HCK: variants seen among roughly 807,000 people sequenced by gnomAD.
HCK encodes tyrosine-protein kinase HCK.
HCK carries 40 observed loss-of-function variants against 70.4 expected under a neutral mutation model. The ratio of observed to expected loss-of-function variants is 0.57; its 90% CI spans 0.44 to 0.74. The LOEUF is 0.74. Ranked by LOEUF, HCK falls within the 30% of genes least tolerant of loss-of-function variation. HCK has a pLI of 0.00. For synonymous variants in HCK, 245 were observed against 263.2 expected (o/e 0.93, Z 0.67); for missense variants, 568 against 697.2 (o/e 0.81, Z 2.09).
At chr20:32,070,023 A>T (rs114992393) in intron 1 of HCK, among the ~76,000 whole-genome samples, 1 of 152,150 alleles carries the variant, frequency 6.6e-6, no homozygotes, top group Non-Finnish European at 1.5e-5. Flanking sequence ...CCACTTTTAC[A>T]ATTATGTTTT....
intron 2 of HCK, among the ~76,000 whole-genome samples, 198 bp from the exon 3 acceptor site, chr20:32,073,121 A>C (rs1001292034): frequency 2.0e-5 from 3 of 152,166 alleles, no homozygotes; most frequent in African/African-American, 7.2e-5. Flanking sequence ...ACAACAAAAA[A>C]TCTGGACCAT....
At chr20:32,077,740 G>A (rs968304641) in intron 5 of HCK, among the ~76,000 whole-genome samples, 1 of 152,152 alleles carries the variant, frequency 6.6e-6, no homozygotes, top group African/African-American at 2.4e-5. Context: ...TGGTCAGGCT[G>A]GTCTCGAACT....
At chr20:32,089,878 C>A (rs1038064043) in intron 10 of HCK, among the ~76,000 whole-genome samples, 2 of 152,258 alleles carry the variant, frequency 1.3e-5, no homozygotes, top group African/African-American at 2.4e-5. Flanking sequence ...AGGTAAAGGT[C>A]TTTTAGACAA....
chr20:32,058,737 G>C (rs1439443427), intron 1 of HCK, among the ~76,000 whole-genome samples: 1 of 152,022 alleles, frequency 6.6e-6, no homozygotes, highest in Non-Finnish European at 1.5e-5. Flanking sequence ...TTTGAGAGCT[G>C]ATTCCAGAGA....
At chr20:32,100,167 C>T (rs1422296363) in intron 12 of HCK, among the ~76,000 whole-genome samples, 1 of 152,164 alleles carries the variant, frequency 6.6e-6, no homozygotes, top group African/African-American at 2.4e-5. Context: ...CTTGGCCTCC[C>T]AAAATGCTGG....
intron 5 of HCK, among the ~76,000 whole-genome samples, chr20:32,076,806 C>G (rs535838966): frequency 5.9e-5 from 9 of 152,154 alleles, no homozygotes; most frequent in African/African-American, 2.2e-4. Flanking sequence ...GCATATCTGG[C>G]CAGGTGTGGT....
chr20:32,076,658 C>T (rs925037221), intron 5 of HCK, among the ~76,000 whole-genome samples: 2 of 152,172 alleles, frequency 1.3e-5, no homozygotes, highest in African/African-American at 4.8e-5. Flanking sequence ...AACAGCATCA[C>T]CTGGATTGCC....
At chr20:32,094,780 AGAGAAAG>A (rs2045922280) in intron 11 of HCK, among the ~76,000 whole-genome samples, 1 of 99,764 alleles carries the variant, frequency 1.0e-5, no homozygotes, top group African/African-American at 4.4e-5. Flanking sequence ...AAAGAAAGAG[AGAGAAAG>A]AGAAAGAAAG....
intron 1 of HCK, among the ~76,000 whole-genome samples, chr20:32,056,031 C>T (rs2045265775): frequency 6.6e-6 from 1 of 152,198 alleles, no homozygotes; most frequent in African/African-American, 2.4e-5. Context: ...AATAATATTC[C>T]ATTGTATGGA....
At chr20:32,090,527 G>A (rs2045850254) in intron 10 of HCK, among the ~76,000 whole-genome samples, 1 of 152,160 alleles carries the variant, frequency 6.6e-6, no homozygotes, top group Admixed American at 6.5e-5. Flanking sequence ...AGCAGGGTGG[G>A]GGGCTTATCT....
intron 5 of HCK, 110 bp downstream of exon 5, chr20:32,074,831 C>T (rs1204581271): frequency 2.7e-6 from 2 of 747,614 alleles, no homozygotes. Context: ...ATACTCTTCC[C>T]AGGGCTCTGG....
chr20:32,084,690 C>G lies in HCK; in HGVS notation c.835+147C>G, dbSNP rs2045758998. The G allele has an allele frequency of 5.1e-5, 39 of 758,512 alleles. No homozygotes were observed. In the East Asian group the frequency reaches 1.1e-3, roughly 21 times the overall value. 47.0% of individuals were successfully genotyped at this position (758,512 alleles called of 1,614,324 possible). On this transcript the variant is annotated intron_variant, in intron 8 of 12. Coordinates refer to ENST00000375852, the MANE Select transcript of HCK (RefSeq NM_002110.5). ...ATAATAGCCATAAAGAAGCAGTTCC[C>G]TGATAGCAAACCAAATTGTCTTGCT...
intron 1 of HCK, among the ~76,000 whole-genome samples, chr20:32,065,729 G>T (rs1169088487): frequency 6.6e-6 from 1 of 152,168 alleles, no homozygotes; most frequent in Non-Finnish European, 1.5e-5. Context: ...GGGGCCAGAG[G>T]ATATGGGATT....
chr20:32,081,957 G>C (rs2045714258), intron 6 of HCK, among the ~76,000 whole-genome samples: 1 of 152,184 alleles, frequency 6.6e-6, no homozygotes, highest in South Asian at 2.1e-4. Context: ...TGCAGCATGA[G>C]ACCTGTGAAT....
intron 11 of HCK, among the ~76,000 whole-genome samples, chr20:32,095,046 G>T (rs2045936838): frequency 6.6e-6 from 1 of 152,076 alleles, no homozygotes; most frequent in South Asian, 2.1e-4. Flanking sequence ...GCCAAAAAAT[G>T]GAAACAACAC....
intron 1 of HCK, among the ~76,000 whole-genome samples, chr20:32,070,727 G>A (rs532180555): frequency 6.6e-6 from 1 of 152,048 alleles, no homozygotes; most frequent in South Asian, 2.1e-4. Flanking sequence ...CTCCCATTCG[G>A]CTGCAGTTGA....
intron 1 of HCK, among the ~76,000 whole-genome samples, chr20:32,067,038 C>A (rs2045469303): frequency 6.6e-6 from 1 of 152,152 alleles, no homozygotes; most frequent in African/African-American, 2.4e-5. Context: ...TTATTGTAAA[C>A]AGGTTGCTTT....
At position 32,056,349 on chromosome 20, in the gene HCK, T is replaced by TA. The variant is rs566532626; in HGVS notation, c.62+3870dup. 6.6e-5 allele frequency among the ~76,000 whole-genome samples: 10 copies of TA among 151,922 alleles called. No homozygotes were observed. The South Asian group carries it at 1.5e-3, about 22-fold the overall frequency. On this transcript the variant is annotated intron_variant, in intron 1 of 12. Coordinates refer to ENST00000375852, the MANE Select transcript of HCK (RefSeq NM_002110.5). ...TAACACGGTGAAACCTCGTCTCTAC[T>TA]AAAAAAATACAAAAAAATTAGCCGG... is the stretch of plus-strand genomic sequence containing the variant.
At chr20:32,069,867 A>AAGGGC in intron 1 of HCK, 1 of 732,218 alleles carries the variant, frequency 1.4e-6, no homozygotes, top group South Asian at 1.7e-5. Flanking sequence ...TTAACAAGAT[A>AAGGGC]AGTATAACTG....
Sources: gnomAD v4.1 joint callset for allele counts (sites outside exome capture counted in the v4.1 genomes callset) on GRCh38, gnomAD v4.1.1 for gene constraint, MANE v1.5 for transcripts, NCBI Gene and HGNC (gene_info 2026-07-23, HGNC 2026-07-21) for gene names.